Variants in CNTNAP5 observed in about 807,000 individuals in gnomAD.
CNTNAP5 encodes the protein contactin-associated protein-like 5.
Under a neutral mutation model 150.2 loss-of-function variants are expected in CNTNAP5, and 72 were observed. That is an observed-to-expected ratio of 0.48 (90% CI 0.40 to 0.58). The LOEUF (loss-of-function observed/expected upper bound fraction) is 0.58, where lower values mean the gene tolerates loss of function less well. Ranked by LOEUF, CNTNAP5 falls within the 20% of genes least tolerant of loss-of-function variation. The pLI is 0.00. For missense variants in CNTNAP5, 1,636 were observed against 1,626.2 expected, an observed-to-expected ratio of 1.01 and a Z score of -0.10; for synonymous variants, 672 against 619.8, an observed-to-expected ratio of 1.08 and a Z score of -1.25.
chr2:124,122,208 T>TGC (rs1683579830), intron 1 of CNTNAP5, among the ~76,000 whole-genome samples: 2 of 152,176 alleles, frequency 1.3e-5, no homozygotes, highest in African/African-American at 2.4e-5. Flanking sequence ...CCTATCCAGC[T>TGC]ATATTTAGAC....
intron 13 of CNTNAP5, among the ~76,000 whole-genome samples, chr2:124,655,945 G>GAGAGAGAA (rs1553427800): frequency 3.8e-4 from 21 of 55,520 alleles, no homozygotes; most frequent in African/African-American, 9.0e-4. Context: ...GAGAGAGAGA[G>GAGAGAGAA]AGAAAGAAAG....
intron 19 of CNTNAP5, among the ~76,000 whole-genome samples, chr2:124,863,546 C>T (rs901447316): frequency 3.3e-5 from 5 of 152,214 alleles, no homozygotes; most frequent in Non-Finnish European, 5.9e-5. Context: ...CTTCTGGCCT[C>T]AGAAGTGTTA....
At chr2:124,062,980 C>T (rs1682055124) in intron 1 of CNTNAP5, among the ~76,000 whole-genome samples, 1 of 151,976 alleles carries the variant, frequency 6.6e-6, no homozygotes, top group Admixed American at 6.6e-5. Context: ...ACTAGAAAAT[C>T]TTCTAATATT....
chr2:124,225,326 A>T (rs1573849697), intron 2 of CNTNAP5, among the ~76,000 whole-genome samples: 1 of 152,184 alleles, frequency 6.6e-6, no homozygotes, highest in Admixed American at 6.6e-5. Flanking sequence ...AGCAATGGCC[A>T]TGCCCGGCTT....
In CNTNAP5 at chr2:124,883,746, A is replaced by G. The variant is rs1026765142; in HGVS notation, c.3436+13984A>G. ...CGTGCGTGGGTTTGTACATGCATGT[A>G]TATGCATATGGGTGCATGCTTGCAT... On this transcript the variant is annotated intron_variant, in intron 21 of 23. Coordinates refer to ENST00000682447, the MANE Select transcript of CNTNAP5 (RefSeq NM_001367498.1). 1.3e-5 allele frequency among the ~76,000 whole-genome samples: 2 copies of G among 152,096 alleles called. 1 individual carries two copies. The highest frequency in any genetic ancestry group is 1.3e-4 in the Admixed American group (2 of 15,264).
At chr2:124,431,690 TAATA>T (rs1157022825) in intron 4 of CNTNAP5, among the ~76,000 whole-genome samples, 5 of 146,896 alleles carry the variant, frequency 3.4e-5, no homozygotes, top group African/African-American at 7.4e-5. Flanking sequence ...AAATAAATTT[TAATA>T]AATAAAATTT....
intron 1 of CNTNAP5, among the ~76,000 whole-genome samples, chr2:124,183,219 G>T (rs78271018): frequency 6.6e-6 from 1 of 152,060 alleles, no homozygotes; most frequent in Non-Finnish European, 1.5e-5. Context: ...GGTAGAATAC[G>T]GGAGCAATTT....
At chr2:124,230,781 C>T (rs186233440) in intron 2 of CNTNAP5, among the ~76,000 whole-genome samples, 1 of 152,180 alleles carries the variant, frequency 6.6e-6, no homozygotes, top group Non-Finnish European at 1.5e-5. Flanking sequence ...ATCCACCTGC[C>T]CTGGCCTCCC....
chr2:124,747,544 GTGTTT>G (rs1279078328), intron 14 of CNTNAP5, among the ~76,000 whole-genome samples, 159 bp downstream of exon 14: 1 of 150,688 alleles, frequency 6.6e-6, no homozygotes, highest in Non-Finnish European at 1.5e-5. Context: ...GTAAATTCTA[GTGTTT>G]TCAGTATGAC....
intron 1 of CNTNAP5, among the ~76,000 whole-genome samples, chr2:124,126,523 A>G (rs1237654795): frequency 6.6e-6 from 1 of 152,192 alleles, no homozygotes; most frequent in Non-Finnish European, 1.5e-5. Context: ...TATTCCACTC[A>G]ATAGAAAAAG....
At chr2:124,683,110 G>A (rs147802477) in intron 13 of CNTNAP5, among the ~76,000 whole-genome samples, 1,656 of 152,240 alleles carry the variant, frequency 0.011, 30 homozygotes, top group African/African-American at 0.038. Flanking sequence ...AATAATTTTG[G>A]TGTTTACTCC....
chr2:124,599,207 A>T (rs556767823), intron 11 of CNTNAP5, among the ~76,000 whole-genome samples: 20 of 152,150 alleles, frequency 1.3e-4, no homozygotes, highest in Non-Finnish European at 2.8e-4. Context: ...TTAAAATTTG[A>T]TCGTGGTCTG....
At chr2:124,220,899 T>C (rs934049118) in intron 1 of CNTNAP5, among the ~76,000 whole-genome samples, 1 of 152,116 alleles carries the variant, frequency 6.6e-6, no homozygotes, top group African/African-American at 2.4e-5. Flanking sequence ...GGCAACAATA[T>C]ACTAAGAGTG....
intron 11 of CNTNAP5, among the ~76,000 whole-genome samples, chr2:124,571,520 C>CTTTTTTT (rs1696152533): frequency 1.9e-5 from 1 of 53,524 alleles, no homozygotes; most frequent in East Asian, 5.5e-4. Flanking sequence ...ACTTTTTTTT[C>CTTTTTTT]TTTTTTCTTT....
At chr2:124,574,483 A>T (rs747829879) in intron 11 of CNTNAP5, among the ~76,000 whole-genome samples, 1 of 152,234 alleles carries the variant, frequency 6.6e-6, no homozygotes, top group Non-Finnish European at 1.5e-5. Flanking sequence ...CATCTTGTCT[A>T]TAGAAAGCAC....
intron 1 of CNTNAP5, among the ~76,000 whole-genome samples, chr2:124,216,360 GT>G (rs961591709): frequency 6.0e-5 from 9 of 151,132 alleles, no homozygotes; most frequent in South Asian, 4.2e-4. Context: ...TTGCATCAGA[GT>G]TTTTTTTTAA....
At chr2:124,203,324 G>A (rs1271658859) in intron 1 of CNTNAP5, among the ~76,000 whole-genome samples, 1 of 152,126 alleles carries the variant, frequency 6.6e-6, no homozygotes, top group African/African-American at 2.4e-5. Context: ...ACTTTACAGG[G>A]TACAGCACCC....
At chr2:124,529,178 T>C (rs564149707) in intron 10 of CNTNAP5, among the ~76,000 whole-genome samples, 1 of 152,046 alleles carries the variant, frequency 6.6e-6, no homozygotes, top group Non-Finnish European at 1.5e-5. Flanking sequence ...TTGGCAACTA[T>C]TGGCTAGACC....
intron 1 of CNTNAP5, among the ~76,000 whole-genome samples, chr2:124,151,709 C>T (rs1238108151): frequency 6.6e-6 from 1 of 152,200 alleles, no homozygotes; most frequent in Non-Finnish European, 1.5e-5. Context: ...ATGGAGTTGT[C>T]TCGTGTAAAG....
Sources: gnomAD v4.1 joint callset for allele counts (sites outside exome capture counted in the v4.1 genomes callset) on GRCh38, gnomAD v4.1.1 for gene constraint, MANE v1.5 for transcripts, NCBI Gene and HGNC (gene_info 2026-07-23, HGNC 2026-07-21) for gene names.